PALS1: variants seen among roughly 807,000 people sequenced by gnomAD.
PALS1 encodes protein associated with LIN7 1, MAGUK p55 family member, also known as protein PALS1.
Under a neutral mutation model 78.9 loss-of-function variants are expected in PALS1, and 31 were observed. That is an observed-to-expected ratio of 0.39 (90% CI 0.30 to 0.53). The LOEUF is 0.53. Ranked by LOEUF, PALS1 falls within the 20% of genes least tolerant of loss-of-function variation. The probability of loss-of-function intolerance (pLI) is 0.67; values close to 1 mark genes in which losing one functional copy is unlikely to be tolerated. For missense variants in PALS1, 704 were observed against 826.5 expected (o/e 0.85, Z 1.82); for synonymous variants, 276 against 270.9 (o/e 1.02, Z -0.18).
At chr14:67,329,062 C>T (rs1242747522) in intron 14 of PALS1, among the ~76,000 whole-genome samples, 1 of 152,080 alleles carries the variant, frequency 6.6e-6, no homozygotes, top group East Asian at 1.9e-4. Context: ...TATAAATTAC[C>T]TTGGGCAGTA....
At chr14:67,296,181 A>T (rs1203788039) in intron 4 of PALS1, among the ~76,000 whole-genome samples, 1 of 152,172 alleles carries the variant, frequency 6.6e-6, no homozygotes, top group Non-Finnish European at 1.5e-5. Flanking sequence ...GTGACTGAGA[A>T]TATACCAGGA....
At chr14:67,272,232 A>G (rs1265418420) in intron 2 of PALS1, among the ~76,000 whole-genome samples, 3 of 152,176 alleles carry the variant, frequency 2.0e-5, no homozygotes, top group Non-Finnish European at 4.4e-5. Flanking sequence ...GACCCAATCA[A>G]ACTTTCTAGT....
rs1412725996 is a variant in PALS1 at position 67,312,644 on chromosome 14, C to A, written c.1159C>A (p.Pro387Thr). 1 of 1,613,050 alleles carries A rather than the reference C, an allele frequency of 6.2e-7. No individual in the cohort carries two copies. Among genetic ancestry groups the A allele is most frequent in the South Asian group, 1.1e-5 (1 of 90,938 alleles). ...ACTTCATGTGATCAGTCAAGAAGAT[C>A]CAAACTGGTGGCAGGCCTACAGGGA... ...DILHVISQEDPNWWQAYREGD... is the reference protein window; with the variant it reads ...DILHVISQEDTNWWQAYREGD... Residue 387 changes from proline to threonine, a missense_variant, in exon 9 of 15, where the codon CCA (proline) becomes ACA (threonine). By Grantham distance (38) the Pro-to-Thr change is conservative. Transcript: ENST00000261681.
intron 3 of PALS1, among the ~76,000 whole-genome samples, chr14:67,285,952 A>G (rs750194794): frequency 2.0e-4 from 31 of 152,208 alleles, no homozygotes; most frequent in Non-Finnish European, 3.7e-4. Flanking sequence ...TTACTTTAGA[A>G]TAATATATTC....
At chr14:67,311,361 G>A (rs1000190793) in intron 8 of PALS1, among the ~76,000 whole-genome samples, 4 of 150,152 alleles carry the variant, frequency 2.7e-5, no homozygotes, top group Non-Finnish European at 4.4e-5. Flanking sequence ...GGATAGAAAT[G>A]GACCTTGAAT....
chr14:67,270,253 C>G (rs2084388632), intron 2 of PALS1: 1 of 152,196 alleles, frequency 6.6e-6, no homozygotes, highest in Non-Finnish European at 1.5e-5. Flanking sequence ...AACTAAAACC[C>G]TTTCTCCCTT....
At chr14:67,274,934 G>A (rs2084475083) in intron 2 of PALS1, among the ~76,000 whole-genome samples, 1 of 152,080 alleles carries the variant, frequency 6.6e-6, no homozygotes, top group Non-Finnish European at 1.5e-5. Context: ...GTCTGTTATT[G>A]GTGTATAAGA....
intron 2 of PALS1, among the ~76,000 whole-genome samples, chr14:67,277,941 G>A (rs2084531446): frequency 6.6e-6 from 1 of 151,936 alleles, no homozygotes; most frequent in Non-Finnish European, 1.5e-5. Context: ...TGATCTTTTT[G>A]CTGTACAGTA....
At chr14:67,315,626 T>A (rs1349088605) in intron 9 of PALS1, among the ~76,000 whole-genome samples, 1 of 152,210 alleles carries the variant, frequency 6.6e-6, no homozygotes, top group East Asian at 1.9e-4. Flanking sequence ...TAGTTACTTG[T>A]ACTAAGAATA....
chr14:67,303,705 T>A, intron 8 of PALS1, 106 bp downstream of exon 8: 1 of 704,348 alleles, frequency 1.4e-6, no homozygotes, highest in African/African-American at 2.1e-5. Context: ...CTCAAATAAA[T>A]TCAATCATTT....
In PALS1 at chr14:67,303,570, A is replaced by C; in HGVS notation, c.1012A>C (p.Ile338Leu). The part of the protein sequence containing the change: ...LTFVLIPSQQ[I>L]KPPPAKETVI... The stretch of plus-strand genomic sequence containing the variant: ...TTTTGTCCTGATTCCCAGTCAACAG[A>C]TCAAGCCGCCTCCTGCCAAGGAAAC... The change falls in exon 8 of 15, where the codon ATC becomes CTC. Residue 338 changes from isoleucine (I) to leucine (L), a missense_variant. Physicochemically the swap from Ile to Leu is conservative, Grantham distance 5. Transcript: ENST00000261681. 6.2e-7 allele frequency: 1 copy of C among 1,613,804 alleles called. No individual in the cohort carries two copies. Among genetic ancestry groups the C allele is most frequent in the Non-Finnish European group, 8.5e-7 (1 of 1,179,722 alleles).
chr14:67,285,336 T>C (rs1449868440), intron 3 of PALS1, among the ~76,000 whole-genome samples: 1 of 151,738 alleles, frequency 6.6e-6, no homozygotes, highest in Non-Finnish European at 1.5e-5. Context: ...AAATAAATGA[T>C]GCCAATCCAG....
intron 14 of PALS1, among the ~76,000 whole-genome samples, chr14:67,324,441 A>G (rs1251330218): frequency 6.6e-6 from 1 of 151,998 alleles, no homozygotes; most frequent in Non-Finnish European, 1.5e-5. Context: ...TTTGCTCCAT[A>G]TTTATTAAAT....
At chr14:67,279,937 C>G (rs2084578704) in intron 3 of PALS1, 1 of 167,562 alleles carries the variant, frequency 6.0e-6, no homozygotes, top group Non-Finnish European at 1.3e-5. Flanking sequence ...AGTTTAAATT[C>G]TTTGATTTTT....
intron 4 of PALS1, among the ~76,000 whole-genome samples, chr14:67,295,857 GGTATATAGCCAAGA>G (rs1241205463): frequency 1.3e-5 from 2 of 152,086 alleles, no homozygotes; most frequent in African/African-American, 4.8e-5. Context: ...TTCACTTGTA[GGTATATAGCCAAGA>G]GAAATGAAAA....
chr14:67,290,597 C>T (rs1459286848), intron 3 of PALS1, among the ~76,000 whole-genome samples: 1 of 152,190 alleles, frequency 6.6e-6, no homozygotes, highest in Non-Finnish European at 1.5e-5. Context: ...AGGATCTCAC[C>T]ATGTTGCCCA....
At chr14:67,265,871 A>AG (rs1323714970) in intron 1 of PALS1, among the ~76,000 whole-genome samples, 1 of 151,476 alleles carries the variant, frequency 6.6e-6, no homozygotes, top group Non-Finnish European at 1.5e-5. Flanking sequence ...AAAAAAAAAA[A>AG]GGAAAAAAGA....
At chr14:67,275,367 A>C (rs1282976730) in intron 2 of PALS1, among the ~76,000 whole-genome samples, 1 of 152,154 alleles carries the variant, frequency 6.6e-6, no homozygotes, top group Non-Finnish European at 1.5e-5. Flanking sequence ...TTCTGCATCT[A>C]TTGAGATAAT....
chr14:67,321,074 C>A lies in PALS1; in HGVS notation c.1555C>A (p.Arg519=). 1.2e-6 allele frequency: 2 copies of A among 1,614,016 alleles called. No individual in the cohort carries two copies. The highest frequency in any genetic ancestry group is 1.7e-6 in the Non-Finnish European group (2 of 1,179,946). ...SAVPHTTRSR[R]DQEVAGRDYH... ...TTGCCTAGATACAACCCGGAGTAGG[C>A]GAGACCAAGAAGTAGCCGGTAGAGA... is the stretch of plus-strand genomic sequence containing the variant. The change falls in exon 13 of 15, where the codon CGA becomes AGA. Residue 519 remains arginine, a synonymous_variant. Transcript: ENST00000261681.
Sources: gnomAD v4.1 joint callset for allele counts (sites outside exome capture counted in the v4.1 genomes callset) on GRCh38, gnomAD v4.1.1 for gene constraint, MANE v1.5 for transcripts, NCBI Gene and HGNC (gene_info 2026-07-23, HGNC 2026-07-21) for gene names.